SATL1: variants seen among roughly 807,000 people sequenced by gnomAD.
SATL1 encodes spermidine/spermine N(1)-acetyltransferase-like protein 1.
Under a neutral mutation model 51.8 loss-of-function variants are expected in SATL1, and 47 were observed. The observed-to-expected ratio is 0.91, with a 90% CI of 0.72 to 1.16. The LOEUF is 1.16. Among genes scored for constraint, SATL1 ranks in the 50% most tolerant of loss-of-function variants. The probability of loss-of-function intolerance (pLI) is 0.00; values close to 1 mark genes in which losing one functional copy is unlikely to be tolerated. For missense variants in SATL1, 520 were observed against 526.4 expected, an observed-to-expected ratio of 0.99 and a Z score of 0.12; for synonymous variants, 176 against 182.4, an observed-to-expected ratio of 0.97 and a Z score of 0.28.
At chrX:85,229,069 C>T (rs1928329951) in intron 1 of SATL1, among the ~76,000 whole-genome samples, 2 of 111,546 alleles carry the variant, frequency 1.8e-5, no homozygotes, top group African/African-American at 6.5e-5. Context: ...TTCTCTTTAT[C>T]TCTACTCCAC....
intron 4 of SATL1, among the ~76,000 whole-genome samples, chrX:85,100,168 T>A (rs1924856762): frequency 9.0e-6 from 1 of 111,474 alleles, no homozygotes; most frequent in Non-Finnish European, 1.9e-5. Flanking sequence ...ATCGTGCCAA[T>A]GCACAACAGA....
chrX:85,093,115 T>C, intron 7 of SATL1, 70 bp downstream of exon 7: 1 of 1,002,237 alleles, frequency 1.0e-6, no homozygotes, highest in Non-Finnish European at 1.4e-6. Flanking sequence ...AATGATTTAA[T>C]TTATGCCCTG....
chrX:85,094,864 G>T, intron 5 of SATL1, 52 bp downstream of exon 5: 1 of 768,976 alleles, frequency 1.3e-6, no homozygotes, highest in Non-Finnish European at 2.0e-6. Flanking sequence ...CTATTTTTCA[G>T]CATGGAAAAA....
chrX:85,235,275 C>A (rs775538446), intron 1 of SATL1, among the ~76,000 whole-genome samples: 17 of 110,414 alleles, frequency 1.5e-4, no homozygotes, highest in Non-Finnish European at 3.2e-4. Context: ...GGAGACCTCC[C>A]ATTTTAGCAT....
At chrX:85,236,581 C>CA (rs1928484751) in intron 1 of SATL1, among the ~76,000 whole-genome samples, 1 of 111,016 alleles carries the variant, frequency 9.0e-6, no homozygotes, top group African/African-American at 3.3e-5. Flanking sequence ...GAATGTAGGA[C>CA]AAAAAACATA....
chrX:85,185,086 C>A (rs1338112071), intron 2 of SATL1, among the ~76,000 whole-genome samples: 2 of 112,271 alleles, frequency 1.8e-5, no homozygotes, highest in African/African-American at 6.5e-5. Flanking sequence ...GATCTTGCAG[C>A]CCCATAGTGG....
intron 2 of SATL1, among the ~76,000 whole-genome samples, chrX:85,195,107 T>C (rs897022046): frequency 5.4e-5 from 6 of 111,041 alleles, no homozygotes; most frequent in Non-Finnish European, 1.1e-4. Flanking sequence ...ATACAGTATG[T>C]AGGTGGAGAC....
chrX:85,176,670 G>C (rs939835685), intron 2 of SATL1, among the ~76,000 whole-genome samples: 4 of 111,160 alleles, frequency 3.6e-5, no homozygotes, highest in African/African-American at 9.8e-5. Flanking sequence ...GTACATATTT[G>C]TTTACATTTA....
At chrX:85,143,448 C>T (rs1926155112) in intron 2 of SATL1, 1 of 111,496 alleles carries the variant, frequency 9.0e-6, no homozygotes, top group Non-Finnish European at 1.9e-5. Context: ...CTTGTTTATA[C>T]TGTCTTGAAT....
At position 85,103,741 on chromosome X, in the gene SATL1, T is replaced by C. The variant is rs1244394651; in HGVS notation, c.1693+123A>G. On this transcript the variant is annotated intron_variant, in intron 4 of 7. Coordinates refer to ENST00000644105, the MANE Select transcript of SATL1 (RefSeq NM_001367857.2). ...GTGGAGCACTGACAAAGCTATCAAA[T>C]TTATGTCCTGCACATGTTAGTAATG... The C allele has an allele frequency of 2.3e-5, 10 of 429,525 alleles. No homozygotes were observed. In the Admixed American group the frequency reaches 3.6e-4, roughly 16 times the overall value. The allele number at this position is 429,525 out of a possible 1,213,427, so 35.4% of individuals were successfully genotyped here.
At chrX:85,096,932 G>T (rs1279379484) in intron 4 of SATL1, among the ~76,000 whole-genome samples, 2 of 104,779 alleles carry the variant, frequency 1.9e-5, no homozygotes, top group Non-Finnish European at 3.9e-5. Context: ...ATGCCAAAAG[G>T]AGTCTTTCAG....
At chrX:85,124,584 G>T (rs1925576490) in intron 2 of SATL1, among the ~76,000 whole-genome samples, 2 of 111,232 alleles carry the variant, frequency 1.8e-5, no homozygotes, top group Admixed American at 1.9e-4. Context: ...TGTGAAGCAG[G>T]TTCACTAATA....
intron 2 of SATL1, among the ~76,000 whole-genome samples, chrX:85,168,444 T>A (rs779276262): frequency 9.0e-6 from 1 of 111,495 alleles, no homozygotes; most frequent in African/African-American, 3.3e-5. Context: ...GGATACAAAA[T>A]CAATGTACAA....
intron 2 of SATL1, among the ~76,000 whole-genome samples, chrX:85,174,450 G>A (rs1927046086): frequency 9.2e-6 from 1 of 108,991 alleles, no homozygotes; most frequent in South Asian, 4.0e-4. Context: ...AGCCTCCCGA[G>A]TATTTGGGAT....
At chrX:85,140,548 G>T (rs1926084917) in intron 2 of SATL1, among the ~76,000 whole-genome samples, 1 of 111,912 alleles carries the variant, frequency 8.9e-6, no homozygotes, top group African/African-American at 3.2e-5. Flanking sequence ...CATCTGGATG[G>T]ACTCTTGTTA....
intron 2 of SATL1, among the ~76,000 whole-genome samples, chrX:85,186,422 C>T (rs1173160894): frequency 9.0e-6 from 1 of 110,617 alleles, no homozygotes; most frequent in East Asian, 2.9e-4. Flanking sequence ...ATTTGACCAG[C>T]AATTTCAGTC....
At chrX:85,229,393 T>A (rs980430315) in intron 1 of SATL1, among the ~76,000 whole-genome samples, 8 of 111,569 alleles carry the variant, frequency 7.2e-5, no homozygotes, top group Non-Finnish European at 1.5e-4. Context: ...AATCCTTGAT[T>A]AACAAAGAGG....
intron 2 of SATL1, among the ~76,000 whole-genome samples, chrX:85,197,290 C>A (rs1441002809): frequency 9.0e-6 from 1 of 110,931 alleles, no homozygotes; most frequent in Non-Finnish European, 1.9e-5. Flanking sequence ...TATTTTGATA[C>A]ATGCATGCAA....
intron 2 of SATL1, among the ~76,000 whole-genome samples, chrX:85,184,170 T>C (rs145994483): frequency 1.8e-5 from 2 of 111,771 alleles, no homozygotes; most frequent in East Asian, 5.6e-4. Flanking sequence ...CCACATTTAA[T>C]TTCTCCATTC....
Sources: allele counts gnomAD v4.1 joint callset (sites outside exome capture counted in the v4.1 genomes callset), GRCh38; gene constraint gnomAD v4.1.1; transcripts MANE v1.5; gene names NCBI Gene and HGNC (gene_info 2026-07-23, HGNC 2026-07-21).